The following MAP7 variants were observed in gnomAD, a reference collection of about 807,000 sequenced individuals.
MAP7 encodes the protein ensconsin.
In MAP7, 52 loss-of-function variants were observed where a neutral mutation model predicts 94.8. The ratio of observed to expected loss-of-function variants is 0.55; its 90% CI spans 0.44 to 0.69. The LOEUF (loss-of-function observed/expected upper bound fraction) is 0.69, where lower values mean the gene tolerates loss of function less well. MAP7 is among the 30% of genes least tolerant of loss of function. The pLI, the probability that MAP7 is intolerant of heterozygous loss-of-function variation, is 0.00. For synonymous variants in MAP7, 350 were observed against 357.0 expected (o/e 0.98, Z 0.22); for missense variants, 940 against 964.6 (o/e 0.97, Z 0.34).
In MAP7 at chr6:136,366,348, T is replaced by G. The variant is rs2128585637; in HGVS notation, c.968A>C (p.Gln323Pro). ...TTACCAAAGTCGGGAGCGAGCTGGT[T>G]GTCTTGCTTTGGGATTAGATGGAGA... ...AVSPSNPKAR[Q>P]PARSRLWLPS... Residue 323 changes from glutamine (Q) to proline (P), a missense_variant, in exon 9 of 18, where the codon CAA (glutamine) becomes CCA (proline). Transcript: ENST00000354570. 2 of 1,614,146 alleles carry G rather than the reference T, an allele frequency of 1.2e-6. No homozygotes were observed. Among genetic ancestry groups the G allele is most frequent in the Non-Finnish European group, 1.7e-6 (2 of 1,179,988 alleles).
At chr6:136,505,277 G>GTGTGTGTATATA (rs1465266004) in intron 1 of MAP7, among the ~76,000 whole-genome samples, 1 of 53,810 alleles carries the variant, frequency 1.9e-5, no homozygotes, top group African/African-American at 8.1e-5. Context: ...GTGTGTGTGT[G>GTGTGTGTATATA]TATATATATA....
At chr6:136,373,433 C>T (rs1224918142) in intron 7 of MAP7, among the ~76,000 whole-genome samples, 1 of 152,064 alleles carries the variant, frequency 6.6e-6, no homozygotes, top group Non-Finnish European at 1.5e-5. Flanking sequence ...AAGGTTGAAC[C>T]GTGAAGAACC....
chr6:136,369,326 C>T (rs751287736), intron 8 of MAP7, among the ~76,000 whole-genome samples: 3 of 152,192 alleles, frequency 2.0e-5, no homozygotes, highest in Non-Finnish European at 4.4e-5. Context: ...GCAATCCCAG[C>T]ATTTGGGGAG....
chr6:136,428,377 G>C (rs572265985), intron 1 of MAP7, among the ~76,000 whole-genome samples: 1 of 152,220 alleles, frequency 6.6e-6, no homozygotes, highest in East Asian at 1.9e-4. Context: ...TTAGCCAGGC[G>C]TGGTGGTGCA....
intron 3 of MAP7, among the ~76,000 whole-genome samples, chr6:136,402,905 C>CAAAAAAAAAAAAAAAAAAA (rs57114676): frequency 1.0e-4 from 7 of 67,392 alleles, no homozygotes; most frequent in African/African-American, 1.9e-4. Flanking sequence ...GACTCTGTCT[C>CAAAAAAAAAAAAAAAAAAA]AAAAAAAAAA....
chr6:136,361,265 C>T (rs989047422), intron 11 of MAP7, 86 bp from the exon 12 acceptor site: 1 of 1,454,702 alleles, frequency 6.9e-7, no homozygotes, highest in African/African-American at 1.4e-5. Flanking sequence ...TTCTGTAGGG[C>T]GGTTCCTTTA....
At chr6:136,464,483 A>C (rs1806304820) in intron 1 of MAP7, among the ~76,000 whole-genome samples, 1 of 152,202 alleles carries the variant, frequency 6.6e-6, no homozygotes, top group Non-Finnish European at 1.5e-5. Context: ...TTAATCTCTT[A>C]CTGTGCCTAA....
At chr6:136,489,090 G>A (rs914058112) in intron 1 of MAP7, among the ~76,000 whole-genome samples, 2 of 152,088 alleles carry the variant, frequency 1.3e-5, no homozygotes, top group African/African-American at 2.4e-5. Context: ...AAAGAGATCA[G>A]TAGGTGCTCA....
intron 1 of MAP7, among the ~76,000 whole-genome samples, chr6:136,457,964 G>T (rs1041083856): frequency 3.9e-5 from 6 of 152,056 alleles, no homozygotes; most frequent in African/African-American, 1.4e-4. Flanking sequence ...GCAAGAAAAA[G>T]AAATAAGCAC....
chr6:136,539,244 A>G (rs1829124221), intron 1 of MAP7, among the ~76,000 whole-genome samples: 1 of 152,130 alleles, frequency 6.6e-6, no homozygotes, highest in South Asian at 2.1e-4. Flanking sequence ...TATTACCAAT[A>G]CCCTATTTTA....
intron 1 of MAP7, among the ~76,000 whole-genome samples, chr6:136,543,026 G>A (rs1191435198): frequency 4.6e-5 from 7 of 152,306 alleles, no homozygotes; most frequent in East Asian, 1.9e-4. Context: ...ATGTAAAACC[G>A]TAGAGTTGCT....
At chr6:136,541,824 T>G (rs1829348020) in intron 1 of MAP7, among the ~76,000 whole-genome samples, 1 of 152,198 alleles carries the variant, frequency 6.6e-6, no homozygotes, top group Non-Finnish European at 1.5e-5. Context: ...TTTAGGAGGC[T>G]GAGTTGGGCA....
chr6:136,360,570 T>G, intron 13 of MAP7, 127 bp downstream of exon 13: 1 of 750,156 alleles, frequency 1.3e-6, no homozygotes, highest in Non-Finnish European at 2.3e-6. Context: ...AGGAGATTGT[T>G]ATCACTGAGG....
intron 3 of MAP7, among the ~76,000 whole-genome samples, chr6:136,409,639 T>G (rs889649399): frequency 2.0e-5 from 3 of 152,230 alleles, no homozygotes; most frequent in Non-Finnish European, 4.4e-5. Context: ...AGTTGGGAAC[T>G]TGGGTGGCAC....
At chr6:136,493,155 C>CTCTT (rs1817165951) in intron 1 of MAP7, among the ~76,000 whole-genome samples, 1 of 126,288 alleles carries the variant, frequency 7.9e-6, no homozygotes, top group Non-Finnish European at 1.6e-5. Context: ...CGGAGTTTCA[C>CTCTT]TCTTGTTGCC....
At chr6:136,454,323 C>CTATA (rs911885733) in intron 1 of MAP7, among the ~76,000 whole-genome samples, 206 of 151,664 alleles carry the variant, frequency 1.4e-3, no homozygotes, top group African/African-American at 4.8e-3. Flanking sequence ...ATCTATCTAT[C>CTATA]TGAGACAGGG....
At chr6:136,514,580 CAAAAAAAAAAAAAAAA>C (rs1046225937) in intron 1 of MAP7, among the ~76,000 whole-genome samples, 4 of 49,056 alleles carry the variant, frequency 8.2e-5, no homozygotes, top group East Asian at 1.0e-3. Context: ...GACTCTGTCT[CAAAAAAAAAAAAAAAA>C]AAAAAAAAAA....
intron 17 of MAP7, 86 bp downstream of exon 17, chr6:136,345,770 A>G: frequency 4.7e-6 from 5 of 1,068,224 alleles, no homozygotes; most frequent in Admixed American, 1.7e-5. Context: ...TGTTACCACA[A>G]TCATACTGTA....
intron 1 of MAP7, among the ~76,000 whole-genome samples, chr6:136,533,958 AC>A (rs1175193198): frequency 1.3e-5 from 2 of 151,910 alleles, no homozygotes; most frequent in Non-Finnish European, 2.9e-5. Context: ...TTTCTCCTAA[AC>A]CCCCCTGAAA....
Sources: gnomAD v4.1 joint callset for allele counts (sites outside exome capture counted in the v4.1 genomes callset) on GRCh38, gnomAD v4.1.1 for gene constraint, MANE v1.5 for transcripts, NCBI Gene and HGNC (gene_info 2026-07-23, HGNC 2026-07-21) for gene names.